The following SSBP3 variants were observed in gnomAD, a reference collection of about 807,000 sequenced individuals.
The protein encoded by SSBP3 is single-stranded DNA-binding protein 3.
Under a neutral mutation model 69.6 loss-of-function variants are expected in SSBP3, and 5 were observed. The ratio of observed to expected loss-of-function variants is 0.07; its 90% confidence interval spans 0.04 to 0.15. SSBP3 has a LOEUF of 0.15. Ranked by LOEUF, SSBP3 falls within the 10% of genes least tolerant of loss-of-function variation. The probability of loss-of-function intolerance (pLI) is 1.00; values close to 1 mark genes in which losing one functional copy is unlikely to be tolerated. For missense variants in SSBP3, 312 were observed against 534.0 expected (o/e 0.58, Z 4.10); for synonymous variants, 196 against 193.4 (o/e 1.01, Z -0.11).
chr1:54,354,754 A>C (rs1029838677), intron 4 of SSBP3, among the ~76,000 whole-genome samples: 5 of 152,188 alleles, frequency 3.3e-5, no homozygotes, highest in Non-Finnish European at 7.3e-5. Context: ...CAAGAAACCC[A>C]GGAAGCCAAC....
At chr1:54,365,288 T>C (rs1306740548) in intron 4 of SSBP3, among the ~76,000 whole-genome samples, 1 of 152,172 alleles carries the variant, frequency 6.6e-6, no homozygotes, top group Non-Finnish European at 1.5e-5. Flanking sequence ...CAGCCACAGG[T>C]ACGACAGGGT....
chr1:54,225,629 G>GATA (rs1644273886), exon 18 of SSBP3: 1 of 327,196 alleles, frequency 3.1e-6, no homozygotes. Context: ...CACATAATAT[G>GATA]ATATACATGG....
chr1:54,239,979 G>A (rs937036677), intron 13 of SSBP3, among the ~76,000 whole-genome samples: 5 of 151,974 alleles, frequency 3.3e-5, no homozygotes, highest in African/African-American at 1.2e-4. Context: ...GGTAAGGATC[G>A]TATGTTGAAT....
intron 14 of SSBP3, chr1:54,238,179 T>C (rs1557445658): frequency 2.1e-6 from 1 of 471,002 alleles, no homozygotes. Flanking sequence ...GTAGGCAATA[T>C]CCAGCACAGG....
At chr1:54,344,298 A>G (rs1430939371) in intron 4 of SSBP3, among the ~76,000 whole-genome samples, 1 of 152,242 alleles carries the variant, frequency 6.6e-6, no homozygotes, top group East Asian at 1.9e-4. Flanking sequence ...TATATCATAT[A>G]CATCCACTGG....
At chr1:54,402,394 A>T (rs1200957863) in intron 3 of SSBP3, among the ~76,000 whole-genome samples, 6 of 152,148 alleles carry the variant, frequency 3.9e-5, no homozygotes, top group African/African-American at 1.4e-4. Flanking sequence ...CATATCCTAA[A>T]AAAGGTTCAA....
intron 4 of SSBP3, among the ~76,000 whole-genome samples, chr1:54,359,208 CAAAAA>C (rs56901465): frequency 3.8e-4 from 29 of 75,474 alleles, no homozygotes; most frequent in African/African-American, 1.3e-3. Context: ...ACCCTCCCCT[CAAAAA>C]AAAAAAAAAA....
chr1:54,335,756 C>T (rs1646497175), intron 4 of SSBP3: 2 of 152,278 alleles, frequency 1.3e-5, no homozygotes, highest in East Asian at 1.9e-4. Context: ...ACTCTGATCC[C>T]TGGAAGGTGT....
chr1:54,379,256 C>T (rs576456636), intron 4 of SSBP3, among the ~76,000 whole-genome samples: 14 of 152,260 alleles, frequency 9.2e-5, no homozygotes, highest in Non-Finnish European at 1.8e-4. Context: ...CTCGGCCACC[C>T]TGGGTGCCCT....
chr1:54,321,387 C>T (rs1184415324), intron 4 of SSBP3, among the ~76,000 whole-genome samples: 4 of 152,196 alleles, frequency 2.6e-5, no homozygotes, highest in Non-Finnish European at 5.9e-5. Context: ...GTCATTTGCC[C>T]GAGGTCAAGT....
intron 5 of SSBP3, among the ~76,000 whole-genome samples, chr1:54,277,601 T>C (rs1645312821): frequency 6.6e-6 from 1 of 152,252 alleles, no homozygotes; most frequent in African/African-American, 2.4e-5. Context: ...AGAAACACTG[T>C]GATGAAAATG....
At chr1:54,352,673 T>C (rs1393635828) in intron 4 of SSBP3, among the ~76,000 whole-genome samples, 2 of 152,202 alleles carry the variant, frequency 1.3e-5, no homozygotes, top group Non-Finnish European at 2.9e-5. Context: ...AGCTGCGTCT[T>C]GCCGTTTGAC....
intron 4 of SSBP3, among the ~76,000 whole-genome samples, chr1:54,345,742 C>T (rs112521691): frequency 3.3e-5 from 5 of 152,200 alleles, no homozygotes; most frequent in East Asian, 1.9e-4. Context: ...AGGCTGGGCG[C>T]GGTGGCTTAC....
At chr1:54,383,218 C>CAA (rs112003124) in intron 4 of SSBP3, among the ~76,000 whole-genome samples, 13 of 145,610 alleles carry the variant, frequency 8.9e-5, no homozygotes, top group Admixed American at 2.1e-4. Context: ...TATTAGAATA[C>CAA]AAAAAAAAAA....
chr1:54,306,649 G>C (rs1166616922), intron 4 of SSBP3, among the ~76,000 whole-genome samples: 1 of 152,092 alleles, frequency 6.6e-6, no homozygotes. Context: ...TGTGCTGAGC[G>C]CTTCGTGTGA....
chr1:54,268,315 C>CG (rs1173050123), intron 5 of SSBP3, among the ~76,000 whole-genome samples: 1 of 152,218 alleles, frequency 6.6e-6, no homozygotes, highest in Admixed American at 6.5e-5. Context: ...CCTCCGCCAC[C>CG]GCTCGCCAGC....
chr1:54,330,490 T>C (rs539185852), intron 4 of SSBP3, among the ~76,000 whole-genome samples: 4 of 152,322 alleles, frequency 2.6e-5, no homozygotes, highest in African/African-American at 9.6e-5. Context: ...AATTCTACTA[T>C]GAATCCACCG....
At chr1:54,405,961 A>T in exon 1 of SSBP3, 1 of 1,439,248 alleles carries the variant, frequency 6.9e-7, no homozygotes, top group Non-Finnish European at 9.2e-7. Context: ...ACTTTTCCCG[A>T]GCCTGCCCAT....
chr1:54,365,065 G>C (rs767104195), intron 4 of SSBP3, among the ~76,000 whole-genome samples: 1 of 152,220 alleles, frequency 6.6e-6, no homozygotes, highest in Non-Finnish European at 1.5e-5. Flanking sequence ...AAGAGGGGCT[G>C]AGAAGGAGGG....
Sources: allele counts gnomAD v4.1 joint callset (sites outside exome capture counted in the v4.1 genomes callset), GRCh38; gene constraint gnomAD v4.1.1; transcripts MANE v1.5; gene names NCBI Gene and HGNC (gene_info 2026-07-23, HGNC 2026-07-21).